The following VCP variants were observed in gnomAD, a reference collection of about 807,000 sequenced individuals.
VCP encodes transitional endoplasmic reticulum ATPase.
A neutral mutation model predicts 85.7 loss-of-function variants in VCP; 6 were observed. The ratio of observed to expected loss-of-function variants is 0.07; its 90% CI spans 0.04 to 0.14. The LOEUF is 0.14. VCP is among the 10% of genes least tolerant of loss of function. VCP has a pLI of 1.00. For missense variants in VCP, 353 were observed against 1,043.4 expected (o/e 0.34, Z 9.12); for synonymous variants, 384 against 367.1 (o/e 1.05, Z -0.53).
rs1018247557 is a variant in VCP, at chr9:35,059,000, C to A, written c.2160+64G>T. 4 of 1,605,420 alleles carry A rather than the reference C, an allele frequency of 2.5e-6. No individual in the cohort carries two copies. The African/African-American group carries it at 4.0e-5, about 16-fold the overall frequency. On this transcript the variant is annotated intron_variant, in intron 15 of 16. Coordinates refer to ENST00000358901, the MANE Select transcript of VCP (RefSeq NM_007126.5). ...ACAGCTTCTACTCTCAACTCCAGGG[C>A]ATGGTGGTGGCTGCTGCCTGGCTCT...
intron 15 of VCP, 30 bp from the exon 16 acceptor site, chr9:35,057,560 C>A: frequency 3.7e-6 from 6 of 1,603,174 alleles, no homozygotes; most frequent in Non-Finnish European, 5.1e-6. Flanking sequence ...ATCACTAGGG[C>A]TAGTTAAAGC....
intron 1 of VCP, among the ~76,000 whole-genome samples, chr9:35,069,444 C>CG (rs1828895799): frequency 1.0e-5 from 1 of 96,106 alleles, no homozygotes; most frequent in Admixed American, 1.2e-4. Flanking sequence ...CTCCCTCTCC[C>CG]TTTTTTTTTT....
chr9:35,069,942 A>G (rs1293032923), intron 1 of VCP, among the ~76,000 whole-genome samples: 1 of 152,226 alleles, frequency 6.6e-6, no homozygotes, highest in Non-Finnish European at 1.5e-5. Context: ...TACTGAAGTC[A>G]ACAAAACAAG....
At chr9:35,063,850 C>T (rs1178398910) in intron 6 of VCP, among the ~76,000 whole-genome samples, 1 of 152,196 alleles carries the variant, frequency 6.6e-6, no homozygotes, top group East Asian at 1.9e-4. Context: ...TTTGTTTTTA[C>T]AGGGTCCATT....
rs536747824 is a variant in VCP, at chr9:35,070,772, G to A, written c.17+1565C>T. Among the ~76,000 whole-genome samples, 3 of 152,306 alleles carry A rather than the reference G, an allele frequency of 2.0e-5. No individual in the cohort carries two copies. In the South Asian group the frequency reaches 6.2e-4, roughly 32 times the overall value. ...TTTTAATCTCAAAGCTGTATCCTAG[G>A]AAAACCTCCATTCTGCCTACCATCC... On this transcript the variant is annotated intron_variant, in intron 1 of 16. Coordinates refer to ENST00000358901, the MANE Select transcript of VCP (RefSeq NM_007126.5).
intron 7 of VCP, 46 bp downstream of exon 7, chr9:35,062,932 T>C: frequency 6.3e-7 from 1 of 1,599,710 alleles, no homozygotes; most frequent in Non-Finnish European, 8.6e-7. Context: ...ATAAGCCCAG[T>C]TCAAAATTGG....
At chr9:35,072,282 G>C in intron 1 of VCP, 55 bp downstream of exon 1, 4 of 1,485,776 alleles carry the variant, frequency 2.7e-6, no homozygotes, top group Non-Finnish European at 3.6e-6. Flanking sequence ...CCTACCCTGC[G>C]CGGCTGGTCC....
At chr9:35,064,120 C>G in intron 6 of VCP, 34 bp downstream of exon 6, 1 of 1,613,908 alleles carries the variant, frequency 6.2e-7, no homozygotes, top group Non-Finnish European at 8.5e-7. Context: ...ATTGGCACCA[C>G]TTTAGACTTG....
intron 7 of VCP, 54 bp downstream of exon 7, chr9:35,062,924 A>T: frequency 6.4e-7 from 1 of 1,569,560 alleles, no homozygotes; most frequent in Non-Finnish European, 8.8e-7. Context: ...TCCAGCTCAT[A>T]AGCCCAGTTC....
In VCP at chr9:35,062,313, C is replaced by T. The variant is rs1315391273; in HGVS notation, c.849G>A (p.Glu283=). 4 of 1,614,146 alleles carry T rather than the reference C, an allele frequency of 2.5e-6. No homozygotes were observed. In the South Asian group the frequency reaches 3.3e-5, roughly 13 times the overall value. ...CCTCAAAGGCTTTACGAAGGTTGCTCTCAGACTCACCAGCCAATTTGCTCA... is the reference window on the plus strand; with the variant it reads ...CCTCAAAGGCTTTACGAAGGTTGCTTTCAGACTCACCAGCCAATTTGCTCA... The part of the protein sequence containing the change: ...EIMSKLAGES[E]SNLRKAFEEA... The change falls in exon 8 of 17, where the codon GAG becomes GAA. Residue 283 remains glutamate (E), a synonymous_variant. Transcript: ENST00000358901.
At chr9:35,063,222 A>C (rs866495609) in intron 6 of VCP, 142 bp from the exon 7 acceptor site, 6 of 751,692 alleles carry the variant, frequency 8.0e-6, no homozygotes, top group African/African-American at 6.9e-5. Flanking sequence ...AATGCTAAGA[A>C]GACAATTACT....
chr9:35,070,979 A>G (rs750719844), intron 1 of VCP, among the ~76,000 whole-genome samples: 4 of 152,126 alleles, frequency 2.6e-5, no homozygotes, highest in Non-Finnish European at 5.9e-5. Flanking sequence ...GTATAAGTCA[A>G]TCCCTTTCCA....
intron 1 of VCP, among the ~76,000 whole-genome samples, chr9:35,070,242 G>C (rs1243784570): frequency 6.6e-6 from 1 of 152,138 alleles, no homozygotes; most frequent in East Asian, 1.9e-4. Context: ...CTGCTGAGTA[G>C]GCAGACTCTT....
intron 6 of VCP, among the ~76,000 whole-genome samples, chr9:35,063,890 G>T (rs1012113906): frequency 6.6e-6 from 1 of 152,218 alleles, no homozygotes; most frequent in African/African-American, 2.4e-5. Context: ...TATTCTAAGA[G>T]TTGTAAAGAA....
intron 6 of VCP, 110 bp downstream of exon 6, chr9:35,064,044 C>G: frequency 6.4e-7 from 1 of 1,556,470 alleles, no homozygotes; most frequent in South Asian, 1.1e-5. Flanking sequence ...CCCCTCTAAT[C>G]CAAGGCAATA....
Position 35,059,854 on chromosome 9 carries a change from C to T in VCP, c.1696-53G>A, listed in dbSNP as rs150926717. On this transcript the variant is annotated intron_variant, in intron 13 of 16. Transcript: ENST00000358901. The surrounding 1 kb of genome is among the most constrained non-coding windows in gnomAD (Gnocchi z 4.9). ...ACTAACAAAACTAGATGTCTCTAGG[C>T]AAACGTGGTGGCTCACACCTGTATT... The T allele has an allele frequency of 5.5e-4, 879 of 1,611,600 alleles. 21 individuals carry two copies. The East Asian group carries it at 0.014, about 26-fold the overall frequency.
intron 12 of VCP, 121 bp from the exon 13 acceptor site, chr9:35,060,646 T>C: frequency 2.0e-6 from 3 of 1,525,774 alleles, no homozygotes; most frequent in Non-Finnish European, 9.1e-7. Context: ...CCAGGTTCTC[T>C]AGAAGAAGAC....
intron 3 of VCP, 139 bp from the exon 4 acceptor site, chr9:35,066,956 G>C: frequency 7.3e-7 from 1 of 1,376,152 alleles, no homozygotes; most frequent in Admixed American, 1.7e-5. Context: ...AGAGGAAGGA[G>C]AACAGGGTGG....
In VCP at chr9:35,068,274, T is replaced by C; in HGVS notation, c.106A>G (p.Asn36Asp). 6.2e-7 allele frequency: 1 copy of C among 1,614,166 alleles called. No individual in the cohort carries two copies. The highest frequency in any genetic ancestry group is 8.5e-7 in the Non-Finnish European group (1 of 1,180,004). Residue 36 changes from asparagine to aspartate, a missense_variant, in exon 2 of 17, where the codon AAC becomes GAC. Physicochemically the swap from Asn to Asp is conservative, Grantham distance 23. Coordinates refer to ENST00000358901, the MANE Select transcript of VCP (RefSeq NM_007126.5). Reference sequence around the variant, plus strand: ...ACCTGGGACAAGGACACCACACTGTTGTCCTCATTGATGGCTTCATCAACA... The same window carrying C: ...ACCTGGGACAAGGACACCACACTGTCGTCCTCATTGATGGCTTCATCAACA... ...LIVDEAINED[N>D]SVVSLSQPKM...
Sources: allele counts gnomAD v4.1 joint callset (sites outside exome capture counted in the v4.1 genomes callset), GRCh38; gene constraint gnomAD v4.1.1; non-coding constraint Gnocchi (gnomAD v3.1); transcripts MANE v1.5; gene names NCBI Gene and HGNC (gene_info 2026-07-23, HGNC 2026-07-21).